PLCB1: variants seen among roughly 807,000 people sequenced by gnomAD.
PLCB1 encodes the protein 1-phosphatidylinositol 4,5-bisphosphate phosphodiesterase beta-1.
PLCB1 carries 46 observed loss-of-function variants against 161.8 expected under a neutral mutation model. The observed-to-expected ratio is 0.28, with a 90% CI of 0.22 to 0.36. The LOEUF (loss-of-function observed/expected upper bound fraction) is 0.36, where lower values mean the gene tolerates loss of function less well. Ranked by LOEUF, PLCB1 falls within the 10% of genes least tolerant of loss-of-function variation. The pLI, the probability that PLCB1 is intolerant of heterozygous loss-of-function variation, is 1.00. For synonymous variants in PLCB1, 517 were observed against 503.7 expected (o/e 1.03, Z -0.35); for missense variants, 1,016 against 1,472.5 (o/e 0.69, Z 5.07).
intron 3 of PLCB1, among the ~76,000 whole-genome samples, chr20:8,615,876 C>T (rs1273300204): frequency 6.6e-6 from 1 of 152,092 alleles, no homozygotes; most frequent in Non-Finnish European, 1.5e-5. Flanking sequence ...GAGGGATGGC[C>T]CCAAAGGCAC....
chr20:8,731,216 T>C (rs1018318941), intron 18 of PLCB1, among the ~76,000 whole-genome samples: 12 of 151,954 alleles, frequency 7.9e-5, no homozygotes, highest in African/African-American at 2.9e-4. Flanking sequence ...TATTGATACA[T>C]AATAGCTGTA....
intron 2 of PLCB1, among the ~76,000 whole-genome samples, chr20:8,345,409 T>A (rs1985967943): frequency 6.6e-6 from 1 of 152,196 alleles, no homozygotes; most frequent in Admixed American, 6.6e-5. Flanking sequence ...GCCTCGTGTT[T>A]AAAAATAGTT....
chr20:8,797,242 G>A (rs984986174), intron 31 of PLCB1, among the ~76,000 whole-genome samples: 2 of 150,958 alleles, frequency 1.3e-5, no homozygotes, highest in East Asian at 2.0e-4. Flanking sequence ...TCCCCCCACC[G>A]ACAGCATTTA....
At chr20:8,364,618 G>T (rs561261712) in intron 2 of PLCB1, among the ~76,000 whole-genome samples, 98 of 152,308 alleles carry the variant, frequency 6.4e-4, no homozygotes, top group African/African-American at 2.2e-3. Flanking sequence ...CTTCAGCAGG[G>T]TGTCATTCAT....
chr20:8,159,537 GCAGC>G (rs1318789249), intron 2 of PLCB1, among the ~76,000 whole-genome samples: 1 of 152,132 alleles, frequency 6.6e-6, no homozygotes, highest in Non-Finnish European at 1.5e-5. Flanking sequence ...GCAAATTTCT[GCAGC>G]CGGCTTGAAC....
At chr20:8,476,311 T>A (rs1320824056) in intron 3 of PLCB1, among the ~76,000 whole-genome samples, 1 of 152,192 alleles carries the variant, frequency 6.6e-6, no homozygotes, top group East Asian at 1.9e-4. Context: ...GTGTGTCAAG[T>A]GTGTCAAGTG....
intron 2 of PLCB1, among the ~76,000 whole-genome samples, chr20:8,209,606 C>T (rs537487858): frequency 1.6e-4 from 25 of 151,710 alleles, no homozygotes; most frequent in Admixed American, 1.3e-4. Flanking sequence ...TTTTCAATTC[C>T]GGCATCATAA....
At chr20:8,214,906 T>C (rs913195263) in intron 2 of PLCB1, among the ~76,000 whole-genome samples, 3 of 152,060 alleles carry the variant, frequency 2.0e-5, no homozygotes, top group African/African-American at 7.2e-5. Flanking sequence ...GCTTGAGGTG[T>C]GGCTGTGGAG....
At chr20:8,539,589 A>G (rs1006495157) in intron 3 of PLCB1, among the ~76,000 whole-genome samples, 1 of 150,916 alleles carries the variant, frequency 6.6e-6, no homozygotes, top group African/African-American at 2.4e-5. Flanking sequence ...TGCTTGGAAC[A>G]GGGTAGATAC....
chr20:8,823,985 A>G (rs74511453), intron 31 of PLCB1, among the ~76,000 whole-genome samples: 4,010 of 152,124 alleles, frequency 0.026, 168 homozygotes, highest in African/African-American at 0.092. Context: ...AGGGTTGGCA[A>G]TGACACCCAC....
intron 31 of PLCB1, among the ~76,000 whole-genome samples, chr20:8,861,005 T>G (rs1051328895): frequency 6.6e-6 from 1 of 152,182 alleles, no homozygotes; most frequent in Non-Finnish European, 1.5e-5. Context: ...AAGAAGTTGG[T>G]TACTGATTTA....
chr20:8,638,324 G>A (rs957097634), intron 4 of PLCB1, among the ~76,000 whole-genome samples: 3 of 152,108 alleles, frequency 2.0e-5, no homozygotes, highest in Admixed American at 6.5e-5. Flanking sequence ...GAGAGTTTGA[G>A]TATGTTGCTT....
chr20:8,830,571 G>A (rs895921572), intron 31 of PLCB1, among the ~76,000 whole-genome samples: 3 of 152,124 alleles, frequency 2.0e-5, no homozygotes, highest in African/African-American at 7.2e-5. Flanking sequence ...AATATTCCCC[G>A]GCTAAGGATT....
At chr20:8,601,064 CG>C (rs933688604) in intron 3 of PLCB1, among the ~76,000 whole-genome samples, 1 of 150,572 alleles carries the variant, frequency 6.6e-6, no homozygotes, top group Admixed American at 6.6e-5. Flanking sequence ...CCGTCTTCTG[CG>C]TCGCTCACGC....
intron 2 of PLCB1, among the ~76,000 whole-genome samples, chr20:8,229,828 G>C (rs1979907819): frequency 6.6e-6 from 1 of 150,390 alleles, no homozygotes; most frequent in African/African-American, 2.5e-5. Context: ...TTTGAGACCA[G>C]CCTGGGCAAC....
rs549432055 is a variant in PLCB1 at position 8,257,185 on chromosome 20, C to T, written c.177+106814C>T. On this transcript the variant is annotated intron_variant, in intron 2 of 31. Coordinates refer to ENST00000338037, the MANE Select transcript of PLCB1 (RefSeq NM_015192.4). ...TCCTATATTTAGCTTAATACTTGGG[C>T]CAGAAAGGCTAACATGTCATTTACA... is the stretch of plus-strand genomic sequence containing the variant. Among the ~76,000 whole-genome samples, 8 of 152,116 alleles carry T rather than the reference C, an allele frequency of 5.3e-5. No individual in the cohort carries two copies. The South Asian group carries it at 1.2e-3, about 24-fold the overall frequency.
chr20:8,614,491 A>G (rs1211745429), intron 3 of PLCB1, among the ~76,000 whole-genome samples: 1 of 152,082 alleles, frequency 6.6e-6, no homozygotes, highest in Non-Finnish European at 1.5e-5. Flanking sequence ...AGAGGGAAAT[A>G]TATTTCTATA....
intron 31 of PLCB1, among the ~76,000 whole-genome samples, chr20:8,807,720 A>C (rs1984607765): frequency 6.6e-6 from 1 of 152,182 alleles, no homozygotes; most frequent in Non-Finnish European, 1.5e-5. Context: ...GCAGTGATGG[A>C]AATTTTCCAT....
At chr20:8,437,873 C>T (rs1242095065) in intron 3 of PLCB1, among the ~76,000 whole-genome samples, 1 of 152,152 alleles carries the variant, frequency 6.6e-6, no homozygotes, top group East Asian at 1.9e-4. Context: ...ATACATATCA[C>T]TGCAGCCTCT....
Sources: allele counts gnomAD v4.1 joint callset (sites outside exome capture counted in the v4.1 genomes callset), GRCh38; gene constraint gnomAD v4.1.1; transcripts MANE v1.5; gene names NCBI Gene and HGNC (gene_info 2026-07-23, HGNC 2026-07-21).